Variants in USP15 observed in about 807,000 individuals in gnomAD.
The protein encoded by USP15 is ubiquitin carboxyl-terminal hydrolase 15.
Under a neutral mutation model 127.1 loss-of-function variants are expected in USP15, and 18 were observed. That is an observed-to-expected ratio of 0.14 (90% confidence interval 0.10 to 0.21). USP15 has a LOEUF of 0.21. Ranked by LOEUF, USP15 falls within the 10% of genes least tolerant of loss-of-function variation. The pLI is 1.00. For synonymous variants in USP15, 364 were observed against 393.7 expected, an observed-to-expected ratio of 0.92 and a Z score of 0.89; for missense variants, 805 against 1,159.9, an observed-to-expected ratio of 0.69 and a Z score of 4.44.
At chr12:62,279,403 G>A (rs146684114) in intron 1 of USP15, among the ~76,000 whole-genome samples, 18 of 152,076 alleles carry the variant, frequency 1.2e-4, no homozygotes, top group South Asian at 4.1e-4. Context: ...GGTTGTTTCC[G>A]CATCTTGGCT....
rs960160915 is a variant in USP15, at chr12:62,399,006, C to CT, written c.2675-2172dup. On this transcript the variant is annotated intron_variant, in intron 20 of 21. Transcript: ENST00000280377. ...CACCAGGATTTGACATTCTTTGCCC[C>CT]TTTTTTTTTAGGTATTACAAGTGTT... Among the ~76,000 whole-genome samples, 25 of 150,808 alleles carry CT rather than the reference C, an allele frequency of 1.7e-4. No individual in the cohort carries two copies. The East Asian group carries it at 1.7e-3, about 11-fold the overall frequency.
chr12:62,409,827 T>C lies in USP15; in HGVS notation c.*5452T>C, dbSNP rs2067994603. On this transcript the variant is annotated 3_prime_UTR_variant, in exon 22 of 22. Transcript: ENST00000280377. ...CCTTAAACATCACCACATTTCTAAT[T>C]TTTATTTAAAATCTTTCAGAATTCT... is the stretch of plus-strand genomic sequence containing the variant. 6.6e-6 allele frequency: 1 copy of C among 152,166 alleles called. No homozygotes were observed. 9.4% of individuals were successfully genotyped at this position (152,166 alleles called of 1,614,324 possible).
At chr12:62,401,310 A>T (rs2067680284) in intron 21 of USP15, 35 bp downstream of exon 21, 2 of 1,525,738 alleles carry the variant, frequency 1.3e-6, no homozygotes, top group African/African-American at 2.7e-5. Context: ...GAACTATGGG[A>T]TTCACTGTCT....
intron 6 of USP15, chr12:62,335,545 C>T (rs1324268243): frequency 9.3e-7 from 1 of 1,079,222 alleles, no homozygotes; most frequent in Non-Finnish European, 1.1e-6. Context: ...TCTCCTCTCT[C>T]CTACATATAT....
chr12:62,390,056 A>T, intron 14 of USP15, 68 bp downstream of exon 14: 1 of 1,369,664 alleles, frequency 7.3e-7, no homozygotes, highest in Non-Finnish European at 9.7e-7. Flanking sequence ...GCTAATAAAA[A>T]TAAACACATA....
At chr12:62,328,435 T>G in intron 6 of USP15, 1 of 271,948 alleles carries the variant, frequency 3.7e-6, no homozygotes. Flanking sequence ...GGATTTGGCC[T>G]GTGAGCCATA....
chr12:62,373,969 T>C (rs2137536945), intron 8 of USP15, among the ~76,000 whole-genome samples: 1 of 152,100 alleles, frequency 6.6e-6, no homozygotes, highest in Non-Finnish European at 1.5e-5. Context: ...TATCCACTTG[T>C]GTAGCATTAC....
At chr12:62,360,251 A>G (rs1340504864) in intron 8 of USP15, among the ~76,000 whole-genome samples, 2 of 152,132 alleles carry the variant, frequency 1.3e-5, no homozygotes, top group Non-Finnish European at 2.9e-5. Context: ...GAAAAAAATG[A>G]TACTAATCAA....
Position 62,411,543 on chromosome 12 carries a change from G to C in USP15, c.*7168G>C, listed in dbSNP as rs1275163504. ...GCCTTCAGCTGACATGAATTATGTTGTCTTTTTGTTTTTTGGTCCAGTTTC... is the reference window on the plus strand; with the variant it reads ...GCCTTCAGCTGACATGAATTATGTTCTCTTTTTGTTTTTTGGTCCAGTTTC... On this transcript the variant is annotated 3_prime_UTR_variant, in exon 22 of 22. Coordinates refer to ENST00000280377, the MANE Select transcript of USP15 (RefSeq NM_001252078.2). 1 of 152,096 alleles carries C rather than the reference G, an allele frequency of 6.6e-6. No individual in the cohort carries two copies. The highest frequency in any genetic ancestry group is 1.5e-5 in the Non-Finnish European group (1 of 68,008). 9.4% of individuals were successfully genotyped at this position (152,096 alleles called of 1,614,324 possible).
At chr12:62,322,542 T>C (rs898733920) in intron 5 of USP15, among the ~76,000 whole-genome samples, 2 of 152,172 alleles carry the variant, frequency 1.3e-5, no homozygotes, top group Non-Finnish European at 2.9e-5. Context: ...CTGTGCTCCA[T>C]TCTCAGCCCT....
intron 1 of USP15, among the ~76,000 whole-genome samples, chr12:62,283,096 C>T (rs1215216856): frequency 6.6e-6 from 1 of 152,190 alleles, no homozygotes; most frequent in African/African-American, 2.4e-5. Context: ...AGATCAGAGT[C>T]TACCCTCCCA....
In USP15 at chr12:62,378,376, A is replaced by G. The variant is rs555758175; in HGVS notation, c.916-3114A>G. On this transcript the variant is annotated intron_variant, in intron 8 of 21. Coordinates refer to ENST00000280377, the MANE Select transcript of USP15 (RefSeq NM_001252078.2). Reference sequence around the variant, plus strand: ...TATTGACTATTGAATTTATGTATTTATATGTGTTTATACAACTTGTTAGGA... The same window carrying G: ...TATTGACTATTGAATTTATGTATTTGTATGTGTTTATACAACTTGTTAGGA... Among the ~76,000 whole-genome samples the G allele has an allele frequency of 2.6e-5, 4 of 152,308 alleles. No homozygotes were observed. The South Asian group carries it at 6.2e-4, about 24-fold the overall frequency.
At chr12:62,293,733 TATG>T (rs1301442471) in intron 1 of USP15, among the ~76,000 whole-genome samples, 1 of 152,216 alleles carries the variant, frequency 6.6e-6, no homozygotes, top group Non-Finnish European at 1.5e-5. Context: ...TCTCTCTGAT[TATG>T]ATTATTATAA....
At chr12:62,390,047 C>A in intron 14 of USP15, 59 bp downstream of exon 14, 1 of 1,413,584 alleles carries the variant, frequency 7.1e-7, no homozygotes, top group Non-Finnish European at 9.4e-7. Flanking sequence ...TATAAAATAG[C>A]TAATAAAAAT....
At chr12:62,390,266 A>G (rs2067280559) in intron 14 of USP15, among the ~76,000 whole-genome samples, 1 of 152,192 alleles carries the variant, frequency 6.6e-6, no homozygotes, top group Non-Finnish European at 1.5e-5. Flanking sequence ...TATAATAATT[A>G]TGTGTTACAT....
intron 21 of USP15, among the ~76,000 whole-genome samples, chr12:62,402,604 A>G (rs1350699237): frequency 4.6e-5 from 7 of 152,096 alleles, no homozygotes. Flanking sequence ...AAAGCGTGAC[A>G]TTTTAAGGGA....
intron 2 of USP15, among the ~76,000 whole-genome samples, chr12:62,295,233 A>G (rs2064095047): frequency 6.6e-6 from 1 of 152,202 alleles, no homozygotes; most frequent in Non-Finnish European, 1.5e-5. Context: ...ACTGAAAAGA[A>G]GGAACAATCA....
At chr12:62,374,476 T>C in intron 8 of USP15, 1 of 985,796 alleles carries the variant, frequency 1.0e-6, no homozygotes, top group Middle Eastern at 5.2e-4. Flanking sequence ...GTGGTTCATA[T>C]TCAGCATTAC....
chr12:62,381,411 T>G, intron 8 of USP15, 79 bp from the exon 9 acceptor site: 2 of 1,226,680 alleles, frequency 1.6e-6, no homozygotes, highest in African/African-American at 1.5e-5. Context: ...ATCAATTTGT[T>G]TCTCTCTTCA....
Sources: allele counts gnomAD v4.1 joint callset (sites outside exome capture counted in the v4.1 genomes callset), GRCh38; gene constraint gnomAD v4.1.1; transcripts MANE v1.5; gene names NCBI Gene and HGNC (gene_info 2026-07-23, HGNC 2026-07-21).